WDR11: variants seen among roughly 807,000 people sequenced by gnomAD.
WDR11 encodes the protein WD repeat-containing protein 11.
In WDR11, 83 loss-of-function variants were observed where a neutral mutation model predicts 151.2. That is an observed-to-expected ratio of 0.55 (90% CI 0.46 to 0.66). The LOEUF (loss-of-function observed/expected upper bound fraction) is 0.66. Ranked by LOEUF, WDR11 falls within the 30% of genes least tolerant of loss-of-function variation. The pLI, the probability that WDR11 is intolerant of heterozygous loss-of-function variation, is 0.00. For missense variants in WDR11, 1,301 were observed against 1,480.9 expected, an observed-to-expected ratio of 0.88 and a Z score of 1.99; for synonymous variants, 484 against 533.1, an observed-to-expected ratio of 0.91 and a Z score of 1.27.
rs1215223950 is a variant in WDR11 at position 120,905,376 on chromosome 10, A to G, written c.3251A>G (p.Gln1084Arg). 6.2e-7 allele frequency: 1 copy of G among 1,614,090 alleles called. No homozygotes were observed. Among genetic ancestry groups the G allele is most frequent in the Non-Finnish European group, 8.5e-7 (1 of 1,180,042 alleles). The change falls in exon 26 of 29, where the codon CAG (glutamine) becomes CGG (arginine). Residue 1084 changes from glutamine to arginine, a missense_variant. Gln to Arg is a conservative substitution (Grantham distance 43). Around this residue, in one of 3 missense-constraint regions of WDR11, gnomAD observed 589 missense variants for 670.6 expected, o/e 0.88. Coordinates refer to ENST00000263461, the MANE Select transcript of WDR11 (RefSeq NM_018117.12). ...DKAADACRYLQTYGEWNRAAW... is the reference protein window; with the variant it reads ...DKAADACRYLRTYGEWNRAAW... ...GCTGCAGACGCCTGCCGCTACCTGC[A>G]GACATACGGCGAGTGGAATCGGGCT...
At position 120,906,871 on chromosome 10, in the gene WDR11, T is replaced by C. The variant is rs1440520451; in HGVS notation, c.3517+16T>C. On this transcript the variant is annotated intron_variant, in intron 28 of 28. Transcript: ENST00000263461. ...GAGGACACAGATATCCTTTGCAAGG[T>C]TGTTTGTAGTGACGAGGAAGAAAGT... 4 of 1,613,978 alleles carry C rather than the reference T, an allele frequency of 2.5e-6. No homozygotes were observed. Among genetic ancestry groups the C allele is most frequent in the Non-Finnish European group, 3.4e-6 (4 of 1,180,024 alleles).
intron 13 of WDR11, among the ~76,000 whole-genome samples, chr10:120,882,452 T>C (rs868142756): frequency 1.2e-4 from 19 of 152,128 alleles, no homozygotes; most frequent in Middle Eastern, 3.4e-3. Flanking sequence ...AGAATTGATA[T>C]TATTCTTACT....
At chr10:120,885,469 G>C (rs1161227392) in intron 14 of WDR11, among the ~76,000 whole-genome samples, 1 of 152,080 alleles carries the variant, frequency 6.6e-6, no homozygotes. Context: ...GGATGATAAA[G>C]GACCCTGGTT....
chr10:120,863,405 C>T (rs1846205487), intron 5 of WDR11, among the ~76,000 whole-genome samples: 2 of 152,182 alleles, frequency 1.3e-5, no homozygotes, highest in Non-Finnish European at 2.9e-5. Flanking sequence ...GACTGAGAAA[C>T]TTCTTTAATC....
Position 120,865,614 on chromosome 10 carries a change from T to C in WDR11, c.880-16T>C, listed in dbSNP as rs763850164. ...TCTATTGTGTTTTAAAAAATAAATATATCATCTATTTAAAGGTAATACCCT... is the reference window on the plus strand; with the variant it reads ...TCTATTGTGTTTTAAAAAATAAATACATCATCTATTTAAAGGTAATACCCT... On this transcript the variant is annotated splice_polypyrimidine_tract_variant and intron_variant, in intron 6 of 28. Coordinates refer to ENST00000263461, the MANE Select transcript of WDR11 (RefSeq NM_018117.12). 2.2e-5 allele frequency: 33 copies of C among 1,482,452 alleles called. No individual in the cohort carries two copies. Among genetic ancestry groups the C allele is most frequent in the Non-Finnish European group, 2.8e-5 (30 of 1,065,988 alleles). 91.8% of individuals were successfully genotyped at this position (1,482,452 alleles called of 1,614,324 possible).
At chr10:120,874,708 G>A (rs1043090933) in intron 11 of WDR11, among the ~76,000 whole-genome samples, 1 of 151,872 alleles carries the variant, frequency 6.6e-6, no homozygotes, top group African/African-American at 2.4e-5. Context: ...ATGGCTTCCA[G>A]CTCCATCCAT....
intron 2 of WDR11, among the ~76,000 whole-genome samples, chr10:120,857,532 A>G (rs1165436919): frequency 7.7e-6 from 1 of 129,988 alleles, no homozygotes. Flanking sequence ...ACACACATAC[A>G]TATGCATATA....
chr10:120,877,785 C>T (rs1272811335), intron 11 of WDR11, among the ~76,000 whole-genome samples: 1 of 152,132 alleles, frequency 6.6e-6, no homozygotes, highest in East Asian at 1.9e-4. Flanking sequence ...AAATCATAAT[C>T]TAAAGCACTT....
Position 120,865,155 on chromosome 10 carries a change from G to T in WDR11, c.822G>T (p.Glu274Asp). 1 of 1,613,894 alleles carries T rather than the reference G, an allele frequency of 6.2e-7. No individual in the cohort carries two copies. Among genetic ancestry groups the T allele is most frequent in the Non-Finnish European group, 8.5e-7 (1 of 1,179,856 alleles). Residue 274 changes from glutamate (E) to aspartate (D), a missense_variant, in exon 6 of 29, where the codon GAG (glutamate) becomes GAT (aspartate). Transcript: ENST00000263461. Reference sequence around the variant, plus strand: ...GAGAGATTTTAATCCTTGACCTTGAGGTGAATCAGACGGTGGGTGTGATTG... The same window carrying T: ...GAGAGATTTTAATCCTTGACCTTGATGTGAATCAGACGGTGGGTGTGATTG... ...YPREILILDL[E>D]VNQTVGVIAI...
At chr10:120,899,889 T>C in intron 19 of WDR11, 140 bp from the exon 20 acceptor site, 1 of 700,182 alleles carries the variant, frequency 1.4e-6, no homozygotes, top group Non-Finnish European at 2.5e-6. Context: ...TCCTAAGCGG[T>C]GACTACATTG....
intron 9 of WDR11, among the ~76,000 whole-genome samples, chr10:120,869,979 A>G (rs1846476724): frequency 1.3e-5 from 2 of 151,886 alleles, no homozygotes; most frequent in African/African-American, 4.8e-5. Context: ...TAGTAGAGAC[A>G]GGGTTTCACC....
At chr10:120,867,711 G>T (rs1846364478) in intron 9 of WDR11, among the ~76,000 whole-genome samples, 1 of 152,122 alleles carries the variant, frequency 6.6e-6, no homozygotes, top group African/African-American at 2.4e-5. Context: ...CACAAGGGTG[G>T]TACAGTGTTT....
chr10:120,877,228 G>A (rs2133769255), intron 11 of WDR11, among the ~76,000 whole-genome samples: 1 of 152,206 alleles, frequency 6.6e-6, no homozygotes, highest in South Asian at 2.1e-4. Flanking sequence ...TTGATTATAA[G>A]TGTTACTTGG....
chr10:120,905,192 C>T, intron 25 of WDR11, 127 bp from the exon 26 acceptor site: 3 of 884,612 alleles, frequency 3.4e-6, no homozygotes, highest in South Asian at 2.8e-5. Flanking sequence ...GAATTTAAAT[C>T]AAGAATGTCT....
intron 12 of WDR11, chr10:120,879,826 G>A (rs1846935943): frequency 6.6e-6 from 1 of 152,162 alleles, no homozygotes; most frequent in African/African-American, 2.4e-5. Context: ...TCCTTGAATT[G>A]AGTATGTTCT....
chr10:120,854,973 G>A (rs1284706908), intron 2 of WDR11, among the ~76,000 whole-genome samples: 1 of 152,084 alleles, frequency 6.6e-6, no homozygotes, highest in Non-Finnish European at 1.5e-5. Flanking sequence ...TATATATTGT[G>A]CTTTTTCTCA....
rs143942872 is a variant in WDR11, at chr10:120,906,278, G to A, written c.3437+257G>A. On this transcript the variant is annotated intron_variant, in intron 27 of 28. Transcript: ENST00000263461. ...GCACCTAGTAAAAGGGAATTTAAAA[G>A]TCTTCAGAGAATTGGGGTCCATTCA... 1.1e-4 allele frequency: 143 copies of A among 1,348,418 alleles called. No homozygotes were observed. In the African/African-American group the frequency reaches 2.0e-3, roughly 19 times the overall value. 83.5% of individuals were successfully genotyped at this position (1,348,418 alleles called of 1,614,324 possible).
rs187550359 is a variant in WDR11, at chr10:120,875,365, C to T, written c.1556+1442C>T. 3.3e-3 allele frequency among the ~76,000 whole-genome samples: 499 copies of T among 152,324 alleles called. 2 individuals are homozygous for T. Among genetic ancestry groups the T allele is most frequent in the African/African-American group, 0.011 (468 of 41,570 alleles). On this transcript the variant is annotated intron_variant, in intron 11 of 28. Coordinates refer to ENST00000263461, the MANE Select transcript of WDR11 (RefSeq NM_018117.12). ...GCTGTCCGAGGGAAAGCTAAATTGA[C>T]GGAAAAGTGCTTCTTGCTTTCTGTT...
intron 23 of WDR11, among the ~76,000 whole-genome samples, chr10:120,903,529 A>G (rs1245138312): frequency 2.7e-5 from 4 of 150,486 alleles, no homozygotes; most frequent in Non-Finnish European, 5.9e-5. Context: ...AAAAAGAAAG[A>G]AAAGAAAGAA....
Sources: gnomAD v4.1 joint callset for allele counts (sites outside exome capture counted in the v4.1 genomes callset) on GRCh38, gnomAD v4.1.1 for gene constraint, gnomAD v4.1.1 regional missense constraint, MANE v1.5 for transcripts, NCBI Gene and HGNC (gene_info 2026-07-23, HGNC 2026-07-21) for gene names.